IQSEC1: variants seen among roughly 807,000 people sequenced by gnomAD.
IQSEC1 encodes IQ motif and SEC7 domain-containing protein 1.
In IQSEC1, 31 loss-of-function variants were observed where a neutral mutation model predicts 91.0. The observed-to-expected ratio is 0.34, with a 90% confidence interval of 0.26 to 0.46. IQSEC1 has a LOEUF of 0.46. Among genes scored for constraint, IQSEC1 ranks in the 20% least tolerant of loss-of-function variants. IQSEC1 has a pLI of 1.00. For synonymous variants in IQSEC1, 699 were observed against 662.6 expected (o/e 1.05, Z -0.84); for missense variants, 1,388 against 1,575.6 (o/e 0.88, Z 2.02).
chr3:12,913,518 G>A lies in IQSEC1; in HGVS notation c.2226C>T (p.Tyr742=), dbSNP rs1695766527. ...LSLPHRRLVC[Y]CRLFEVPDPN... is the part of the protein sequence containing the mutation. The stretch of plus-strand genomic sequence containing the variant: ...GGTCTGGAACCTCAAAGAGCCGGCA[G>A]TAGCAGACCAACCGACGGTGGGGCA... The change falls in exon 9 of 14, where the codon TAC becomes TAT. Residue 742 remains tyrosine, a synonymous_variant. Coordinates refer to ENST00000613206, the MANE Select transcript of IQSEC1 (RefSeq NM_001134382.3). 4 of 1,607,670 alleles carry A rather than the reference G, an allele frequency of 2.5e-6. No homozygotes were observed. The highest frequency in any genetic ancestry group is 3.4e-6 in the Non-Finnish European group (4 of 1,175,886).
intron 1 of IQSEC1, among the ~76,000 whole-genome samples, chr3:13,270,080 A>T (rs935818353): frequency 2.6e-5 from 4 of 152,182 alleles, no homozygotes; most frequent in African/African-American, 7.2e-5. Flanking sequence ...CACCTCCACA[A>T]GGTGCCGGAT....
intron 1 of IQSEC1, among the ~76,000 whole-genome samples, chr3:13,005,379 C>T (rs973196733): frequency 6.6e-6 from 1 of 152,120 alleles, no homozygotes; most frequent in Non-Finnish European, 1.5e-5. Flanking sequence ...ATCTGGGGGC[C>T]CAGAGCCAGG....
At chr3:12,978,423 G>T (rs551699013) in intron 1 of IQSEC1, among the ~76,000 whole-genome samples, 1 of 152,340 alleles carries the variant, frequency 6.6e-6, no homozygotes, top group East Asian at 1.9e-4. Context: ...ACAGGGCCGG[G>T]CGCGGTGGCT....
At chr3:13,244,618 T>C (rs1182756906) in intron 1 of IQSEC1, among the ~76,000 whole-genome samples, 1 of 152,182 alleles carries the variant, frequency 6.6e-6, no homozygotes, top group African/African-American at 2.4e-5. Context: ...CTGACTGCAG[T>C]TGTGACCAAC....
intron 2 of IQSEC1, among the ~76,000 whole-genome samples, chr3:13,128,632 G>A (rs530896812): frequency 4.7e-4 from 72 of 152,212 alleles, no homozygotes; most frequent in African/African-American, 1.4e-3. Flanking sequence ...TTGGGAGGCC[G>A]AGGCGGGCGG....
chr3:13,199,261 C>A (rs1337231500), intron 1 of IQSEC1, among the ~76,000 whole-genome samples: 2 of 152,200 alleles, frequency 1.3e-5, no homozygotes, highest in African/African-American at 4.8e-5. Flanking sequence ...GTGGCCGCAC[C>A]TGGCCCCTTC....
chr3:13,208,908 G>C (rs1429825393), intron 1 of IQSEC1, among the ~76,000 whole-genome samples: 2 of 152,240 alleles, frequency 1.3e-5, no homozygotes. Flanking sequence ...TCTGAAGTCA[G>C]GGGTCAGCCC....
intron 1 of IQSEC1, among the ~76,000 whole-genome samples, chr3:12,988,790 C>T (rs145414193): frequency 6.6e-6 from 1 of 152,150 alleles, no homozygotes; most frequent in Admixed American, 6.5e-5. Flanking sequence ...TCCTTGCACC[C>T]TTCTCTATGA....
intron 1 of IQSEC1, among the ~76,000 whole-genome samples, chr3:13,251,261 G>A (rs571860265): frequency 2.6e-5 from 4 of 152,218 alleles, no homozygotes; most frequent in African/African-American, 4.8e-5. Context: ...ACCCCAGCTC[G>A]ATCTTTCTCC....
Position 13,273,911 on chromosome 3 carries a change from G to A in IQSEC1, c.272+8800C>T, listed in dbSNP as rs553129554. Among the ~76,000 whole-genome samples the A allele has an allele frequency of 2.8e-4, 42 of 151,984 alleles. No individual in the cohort carries two copies. In the South Asian group the frequency reaches 5.6e-3, roughly 20 times the overall value. ...CACTCTGCCCCATGCACACTGGTCCGCTCCCTGCACCTCAACCACGCCGCC... is the reference window on the plus strand; with the variant it reads ...CACTCTGCCCCATGCACACTGGTCCACTCCCTGCACCTCAACCACGCCGCC... On this transcript the variant is annotated intron_variant, in intron 1 of 15. Transcript: ENST00000648114.
chr3:13,243,475 C>A (rs1318525953), intron 1 of IQSEC1, among the ~76,000 whole-genome samples: 4 of 152,222 alleles, frequency 2.6e-5, no homozygotes, highest in Non-Finnish European at 5.9e-5. Context: ...CCTTCTGGAA[C>A]AACAGCTTCT....
Position 13,222,156 on chromosome 3 carries a change from C to G in IQSEC1, c.273-58023G>C, listed in dbSNP as rs548420847. 2.6e-5 allele frequency among the ~76,000 whole-genome samples: 4 copies of G among 150,992 alleles called. No individual in the cohort carries two copies. In the South Asian group the frequency reaches 8.6e-4, roughly 32 times the overall value. The stretch of plus-strand genomic sequence containing the variant: ...CGAACCCCCAGCCCCCCTCCCCCAG[C>G]CCCTGGCACCTCCATTCCACTTTCT... On this transcript the variant is annotated intron_variant, in intron 1 of 15. Coordinates refer to the IQSEC1 transcript ENST00000648114.
chr3:13,078,729 T>A (rs1705601499), intron 2 of IQSEC1, among the ~76,000 whole-genome samples: 1 of 152,118 alleles, frequency 6.6e-6, no homozygotes, highest in African/African-American at 2.4e-5. Flanking sequence ...CCAGGGCAGC[T>A]GGAGAGTTCA....
At chr3:12,944,692 G>T (rs914441128) in intron 1 of IQSEC1, among the ~76,000 whole-genome samples, 1 of 152,214 alleles carries the variant, frequency 6.6e-6, no homozygotes, top group African/African-American at 2.4e-5. Context: ...AGATGCAGCC[G>T]GGCCTCCGCT....
At chr3:13,032,687 C>T (rs1171047210) in intron 1 of IQSEC1, among the ~76,000 whole-genome samples, 1 of 151,912 alleles carries the variant, frequency 6.6e-6, no homozygotes, top group Non-Finnish European at 1.5e-5. Context: ...AGGTTCACGC[C>T]ATTCTCCTGC....
intron 1 of IQSEC1, among the ~76,000 whole-genome samples, chr3:13,275,348 C>T (rs1013733218): frequency 5.9e-5 from 9 of 152,204 alleles, no homozygotes; most frequent in African/African-American, 1.9e-4. Flanking sequence ...TCAAGCTAGG[C>T]CCAGCTTGGA....
At chr3:12,929,785 C>T (rs952383219) in intron 3 of IQSEC1, among the ~76,000 whole-genome samples, 1 of 152,226 alleles carries the variant, frequency 6.6e-6, no homozygotes, top group South Asian at 2.1e-4. Flanking sequence ...CCTGACCCAC[C>T]TCTGTACCCC....
chr3:12,998,062 C>T (rs1028551929), intron 1 of IQSEC1, among the ~76,000 whole-genome samples: 1 of 152,332 alleles, frequency 6.6e-6, no homozygotes, highest in African/African-American at 2.4e-5. Flanking sequence ...AATGTGGCAG[C>T]TCTACGGCCA....
At chr3:13,252,421 C>T (rs1695210135) in intron 1 of IQSEC1, among the ~76,000 whole-genome samples, 1 of 152,242 alleles carries the variant, frequency 6.6e-6, no homozygotes, top group Admixed American at 6.5e-5. Context: ...GCATAGACCA[C>T]AGTTTGTGAA....
Sources: gnomAD v4.1 joint callset for allele counts (sites outside exome capture counted in the v4.1 genomes callset) on GRCh38, gnomAD v4.1.1 for gene constraint, MANE v1.5 for transcripts, NCBI Gene and HGNC (gene_info 2026-07-23, HGNC 2026-07-21) for gene names.